Variants in ESRRB observed in about 807,000 individuals in gnomAD.
ESRRB encodes the protein steroid hormone receptor ERR2.
A neutral mutation model predicts 46.0 loss-of-function variants in ESRRB; 16 were observed. The ratio of observed to expected loss-of-function variants is 0.35; its 90% confidence interval spans 0.24 to 0.53. The LOEUF is 0.53. Among genes scored for constraint, ESRRB ranks in the 20% least tolerant of loss-of-function variants. ESRRB has a pLI of 0.93. For synonymous variants in ESRRB, 246 were observed against 259.6 expected (o/e 0.95, Z 0.50); for missense variants, 488 against 607.4 (o/e 0.80, Z 2.07).
chr14:76,411,845 A>G (rs765564357), intron 1 of ESRRB, among the ~76,000 whole-genome samples: 1 of 152,232 alleles, frequency 6.6e-6, no homozygotes, highest in Non-Finnish European at 1.5e-5. Flanking sequence ...TGCCTCAACT[A>G]TAAGAATAGT....
chr14:76,360,409 G>C (rs909437139), intron 1 of ESRRB, among the ~76,000 whole-genome samples: 2 of 151,620 alleles, frequency 1.3e-5, no homozygotes, highest in Non-Finnish European at 2.9e-5. Flanking sequence ...GGGAGAGGGA[G>C]AGAGAGAGAC....
chr14:76,442,273 G>C (rs1887951443), intron 2 of ESRRB, among the ~76,000 whole-genome samples: 1 of 152,066 alleles, frequency 6.6e-6, no homozygotes, highest in Non-Finnish European at 1.5e-5. Context: ...CTCAGGAGTT[G>C]GAGACCAGCC....
chr14:76,406,906 C>T (rs1026550704), intron 1 of ESRRB, among the ~76,000 whole-genome samples: 2 of 152,200 alleles, frequency 1.3e-5, no homozygotes, highest in South Asian at 2.1e-4. Context: ...TTTACTTGTG[C>T]GTGCTCTGTC....
At chr14:76,449,761 CTT>C (rs79764142) in intron 2 of ESRRB, among the ~76,000 whole-genome samples, 41 of 126,240 alleles carry the variant, frequency 3.2e-4, no homozygotes, top group Admixed American at 7.4e-4. Flanking sequence ...TTTTTCTTTC[CTT>C]TTTTTTTTTT....
intron 5 of ESRRB, among the ~76,000 whole-genome samples, chr14:76,483,881 T>A (rs1889903474): frequency 6.6e-6 from 1 of 152,006 alleles, no homozygotes; most frequent in Non-Finnish European, 1.5e-5. Flanking sequence ...TGAGACAGAG[T>A]CTTGCTCTGT....
intron 3 of ESRRB, 46 bp downstream of exon 3, chr14:76,462,707 C>A: frequency 6.8e-7 from 1 of 1,461,856 alleles, no homozygotes; most frequent in Non-Finnish European, 9.6e-7. Context: ...GCTCTGCTTG[C>A]TGGGGAGTTT....
At chr14:76,355,282 C>G (rs1192344569) in intron 1 of ESRRB, among the ~76,000 whole-genome samples, 1 of 152,090 alleles carries the variant, frequency 6.6e-6, no homozygotes, top group Admixed American at 6.5e-5. Context: ...GCTTGGGACC[C>G]GAAATACTGA....
At chr14:76,485,575 T>A (rs1238647033) in intron 5 of ESRRB, among the ~76,000 whole-genome samples, 1 of 150,136 alleles carries the variant, frequency 6.7e-6, no homozygotes, top group African/African-American at 2.5e-5. Context: ...ATCAACTTAA[T>A]CCCATCTCAG....
rs182275548 is a variant in ESRRB at position 76,333,446 on chromosome 14, T to A, written c.2+22530T>A. Among the ~76,000 whole-genome samples the A allele has an allele frequency of 5.2e-4, 45 of 86,430 alleles. 9 individuals are homozygous for A. Among genetic ancestry groups the A allele is most frequent in the African/African-American group, 1.8e-3 (45 of 24,442 alleles). 56.7% of individuals were successfully genotyped at this position (86,430 alleles called of 152,430 possible). ...CATATATATATTTATATATGATATA[T>A]AAGTATATCATATATAAATATATCA... On this transcript the variant is annotated intron_variant, in intron 1 of 6. Transcript: ENST00000512784.
chr14:76,476,838 A>G (rs1459247375), intron 3 of ESRRB, among the ~76,000 whole-genome samples: 1 of 152,216 alleles, frequency 6.6e-6, no homozygotes, highest in East Asian at 1.9e-4. Context: ...TTCACCTTCC[A>G]GGCTGGGGCA....
intron 1 of ESRRB, among the ~76,000 whole-genome samples, chr14:76,397,755 T>C (rs759099269): frequency 1.3e-5 from 2 of 152,108 alleles, no homozygotes; most frequent in Non-Finnish European, 2.9e-5. Flanking sequence ...TCAAAAAGAA[T>C]AAAACATTTA....
At chr14:76,321,545 C>G (rs11626036) in intron 1 of ESRRB, among the ~76,000 whole-genome samples, 8,437 of 152,278 alleles carry the variant, frequency 0.055, 319 homozygotes, top group Middle Eastern at 0.14. Context: ...TACCCTTACC[C>G]GATACCTAAT....
At chr14:76,437,656 C>T (rs1303568098) in intron 1 of ESRRB, among the ~76,000 whole-genome samples, 1 of 152,130 alleles carries the variant, frequency 6.6e-6, no homozygotes, top group African/African-American at 2.4e-5. Flanking sequence ...GTGAGGCAGC[C>T]TGTCAAGGAC....
chr14:76,443,838 G>A (rs889041553), intron 2 of ESRRB, among the ~76,000 whole-genome samples: 1 of 152,186 alleles, frequency 6.6e-6, no homozygotes, highest in African/African-American at 2.4e-5. Flanking sequence ...TTGCTACCGC[G>A]AATAGGATAA....
chr14:76,384,661 G>T (rs1031002895), intron 1 of ESRRB, among the ~76,000 whole-genome samples: 2 of 152,186 alleles, frequency 1.3e-5, no homozygotes, highest in Non-Finnish European at 2.9e-5. Flanking sequence ...TATGCCCCGT[G>T]CCATGCTCTG....
At position 76,439,630 on chromosome 14, in the gene ESRRB, T is replaced by C. The variant is rs571434756; in HGVS notation, c.340T>C (p.Tyr114His). 12 of 1,614,194 alleles carry C rather than the reference T, an allele frequency of 7.4e-6. No individual in the cohort carries two copies. In the East Asian group the frequency reaches 2.7e-4, roughly 36 times the overall value. Residue 114 changes from tyrosine (Y) to histidine (H), a missense_variant, in exon 2 of 7, where the codon TAC becomes CAC. By Grantham distance (83) the Tyr-to-His change is moderately conservative. Coordinates refer to ENST00000644823, the MANE Select transcript of ESRRB (RefSeq NM_001379180.1). ...IMEDSAIKCEYMLNAIPKRLC... is the reference protein window; with the variant it reads ...IMEDSAIKCEHMLNAIPKRLC... Reference sequence around the variant, plus strand: ...GGAGGACTCGGCCATCAAGTGCGAGTACATGCTCAACGCCATCCCCAAGCG... The same window carrying C: ...GGAGGACTCGGCCATCAAGTGCGAGCACATGCTCAACGCCATCCCCAAGCG...
chr14:76,421,097 G>A (rs1477855192), intron 1 of ESRRB, among the ~76,000 whole-genome samples: 1 of 152,204 alleles, frequency 6.6e-6, no homozygotes, highest in Non-Finnish European at 1.5e-5. Flanking sequence ...CCTGCCAGCT[G>A]TCAGCAGCCT....
intron 2 of ESRRB, among the ~76,000 whole-genome samples, chr14:76,456,151 C>T (rs1888603178): frequency 6.6e-6 from 1 of 152,054 alleles, no homozygotes; most frequent in Non-Finnish European, 1.5e-5. Flanking sequence ...GCTCCTGCTG[C>T]TGCTATATCT....
At chr14:76,479,715 C>T (rs1032402055) in intron 3 of ESRRB, among the ~76,000 whole-genome samples, 2 of 152,080 alleles carry the variant, frequency 1.3e-5, no homozygotes, top group Non-Finnish European at 2.9e-5. Context: ...CTTGTGCCTC[C>T]GTTTGATGGT....
Sources: gnomAD v4.1 joint callset for allele counts (sites outside exome capture counted in the v4.1 genomes callset) on GRCh38, gnomAD v4.1.1 for gene constraint, MANE v1.5 for transcripts, NCBI Gene and HGNC (gene_info 2026-07-23, HGNC 2026-07-21) for gene names.